Variants in SLC9A7 observed in about 807,000 individuals in gnomAD.
SLC9A7 encodes sodium/hydrogen exchanger 7.
SLC9A7 carries 19 observed loss-of-function variants against 52.6 expected under a neutral mutation model. The ratio of observed to expected loss-of-function variants is 0.36; its 90% CI spans 0.25 to 0.53. SLC9A7 has a LOEUF of 0.53. Among genes scored for constraint, SLC9A7 ranks in the 20% least tolerant of loss-of-function variants. The pLI is 0.91. For missense variants in SLC9A7, 455 were observed against 597.9 expected, an observed-to-expected ratio of 0.76 and a Z score of 2.49; for synonymous variants, 226 against 252.1, an observed-to-expected ratio of 0.90 and a Z score of 0.98.
In SLC9A7 at chrX:46,637,206, C is replaced by T. The variant is rs145473332; in HGVS notation, c.1617-1558G>A. On this transcript the variant is annotated intron_variant, in intron 12 of 16. Transcript: ENST00000616978. The stretch of plus-strand genomic sequence containing the variant: ...TGTCCCCATTTAATCAGTGAGGAAA[C>T]TGAGGGATACAGGTGAAATAAGTTG... Among the ~76,000 whole-genome samples the T allele has an allele frequency of 1.9e-3, 210 of 111,812 alleles. 3 individuals are homozygous for T. The South Asian group carries it at 0.039, about 21-fold the overall frequency.
chrX:46,742,668 C>T (rs1288060176), intron 1 of SLC9A7, among the ~76,000 whole-genome samples: 5 of 112,240 alleles, frequency 4.5e-5, no homozygotes, highest in Non-Finnish European at 9.4e-5. Flanking sequence ...GGTGGTTACA[C>T]ATATCTATCT....
At chrX:46,699,495 C>T (rs1944497807) in intron 1 of SLC9A7, among the ~76,000 whole-genome samples, 1 of 111,734 alleles carries the variant, frequency 8.9e-6, no homozygotes, top group Non-Finnish European at 1.9e-5. Flanking sequence ...AATATGGTAT[C>T]CAAGTGTAGG....
At chrX:46,713,909 T>C (rs1276469838) in intron 1 of SLC9A7, among the ~76,000 whole-genome samples, 2 of 109,701 alleles carry the variant, frequency 1.8e-5, no homozygotes, top group Non-Finnish European at 3.8e-5. Flanking sequence ...AACACCCAAA[T>C]ATAGTATCTT....
At chrX:46,698,913 C>T (rs971893843) in intron 1 of SLC9A7, among the ~76,000 whole-genome samples, 53 of 111,242 alleles carry the variant, frequency 4.8e-4, no homozygotes, top group African/African-American at 1.6e-3. Flanking sequence ...TGTGACTCAC[C>T]AACCTGGGAA....
chrX:46,646,699 C>G, intron 11 of SLC9A7: 1 of 283,469 alleles, frequency 3.5e-6, no homozygotes, highest in South Asian at 4.5e-5. Flanking sequence ...AGTTCTTGTC[C>G]AATTCATAGA....
intron 7 of SLC9A7, 132 bp from the exon 8 acceptor site, chrX:46,653,846 C>T: frequency 2.4e-6 from 1 of 420,661 alleles, no homozygotes; most frequent in Non-Finnish European, 4.1e-6. Flanking sequence ...TTTGGAGGCT[C>T]TAAAGCTGCT....
chrX:46,670,721 T>C (rs1944005752), intron 4 of SLC9A7, among the ~76,000 whole-genome samples: 1 of 112,283 alleles, frequency 8.9e-6, no homozygotes, highest in Admixed American at 9.5e-5. Context: ...TGGAATCATT[T>C]TGAGAAGAAA....
intron 14 of SLC9A7, among the ~76,000 whole-genome samples, chrX:46,622,416 A>G (rs1943061049): frequency 8.9e-6 from 1 of 112,091 alleles, no homozygotes; most frequent in Non-Finnish European, 1.9e-5. Context: ...AGGCAAATAT[A>G]TAATGGAAAA....
intron 14 of SLC9A7, among the ~76,000 whole-genome samples, chrX:46,630,857 T>C (rs773958733): frequency 3.3e-4 from 37 of 112,333 alleles, no homozygotes; most frequent in Non-Finnish European, 6.4e-4. Context: ...ATATAGCCTC[T>C]ACCTTGCTTG....
chrX:46,733,610 G>A (rs1179333183), intron 1 of SLC9A7, among the ~76,000 whole-genome samples: 2 of 111,459 alleles, frequency 1.8e-5, no homozygotes, highest in Non-Finnish European at 3.8e-5. Flanking sequence ...GCATGATGGA[G>A]GGATGTGGTA....
Position 46,643,338 on chromosome X carries a change from T to C in SLC9A7, c.1514A>G (p.Tyr505Cys), listed in dbSNP as rs781579311. 3 of 1,208,991 alleles carry C rather than the reference T, an allele frequency of 2.5e-6. No individual in the cohort carries two copies. The highest frequency in any genetic ancestry group is 3.4e-6 in the Non-Finnish European group (3 of 894,435). Residue 505 changes from tyrosine (Y) to cysteine (C), a missense_variant, in exon 12 of 17, where the codon TAT becomes TGT. Coordinates refer to ENST00000616978, the MANE Select transcript of SLC9A7 (RefSeq NM_001257291.2). ...FALAIRDTAS[Y>C]ARQMMFTTTL... ...GGTCGTGAACATCATCTGGCGAGCA[T>C]AGGATGCCGTGTCACGGATGGCCAA...
chrX:46,677,640 T>C (rs1944140948), intron 3 of SLC9A7, among the ~76,000 whole-genome samples: 1 of 112,163 alleles, frequency 8.9e-6, no homozygotes, highest in Admixed American at 9.4e-5. Flanking sequence ...GTAAACTATA[T>C]TTATGTTGGC....
At chrX:46,718,362 A>T (rs1469673654) in intron 1 of SLC9A7, among the ~76,000 whole-genome samples, 2 of 112,150 alleles carry the variant, frequency 1.8e-5, no homozygotes, top group African/African-American at 3.2e-5. Flanking sequence ...AAACCTAGGC[A>T]ATACCATTCA....
In SLC9A7 at chrX:46,602,290, ACT is replaced by A. The variant is rs1942672473; in HGVS notation, c.*4660_*4661del. ...TGAGTTCTGCAAAGATTAGCATCAA[ACT>A]CTCTCACAGCTGCCCTGTCTGTATT... On this transcript the variant is annotated 3_prime_UTR_variant, in exon 17 of 17. Transcript: ENST00000616978. 1.8e-5 allele frequency: 2 copies of A among 111,572 alleles called. No homozygotes were observed. The highest frequency in any genetic ancestry group is 3.3e-5 in the African/African-American group (1 of 30,706). The allele number at this position is 111,572 out of a possible 1,213,427, so 9.2% of individuals were successfully genotyped here. A position where few individuals can be genotyped will look rare whatever the true frequency, so the allele number is the denominator to read the frequency against.
intron 10 of SLC9A7, among the ~76,000 whole-genome samples, chrX:46,650,783 T>C (rs1483306781): frequency 9.0e-6 from 1 of 111,513 alleles, no homozygotes; most frequent in Non-Finnish European, 1.9e-5. Context: ...TACAAAACAA[T>C]CACCTGCCGA....
At chrX:46,689,590 GC>G (rs1264273118) in intron 1 of SLC9A7, among the ~76,000 whole-genome samples, 2 of 25,971 alleles carry the variant, frequency 7.7e-5, no homozygotes, top group African/African-American at 3.9e-4. Flanking sequence ...AAGTAATTAT[GC>G]CTTTTTTTTT....
chrX:46,655,222 T>G (rs1943657060), intron 7 of SLC9A7, among the ~76,000 whole-genome samples: 1 of 111,124 alleles, frequency 9.0e-6, no homozygotes, highest in Non-Finnish European at 1.9e-5. Context: ...TGACCTCAGG[T>G]GATCTGCCCA....
At chrX:46,699,737 C>G (rs192345313) in intron 1 of SLC9A7, among the ~76,000 whole-genome samples, 135 of 111,541 alleles carry the variant, frequency 1.2e-3, no homozygotes, top group African/African-American at 4.2e-3. Context: ...TTTAGAGTAT[C>G]ACTAGTTAGA....
intron 1 of SLC9A7, among the ~76,000 whole-genome samples, chrX:46,729,065 G>A (rs760571168): frequency 3.6e-5 from 4 of 112,066 alleles, no homozygotes; most frequent in South Asian, 7.4e-4. Context: ...ACAAGTGTAC[G>A]CAGTGTCAAA....
Sources: gnomAD v4.1 joint callset for allele counts (sites outside exome capture counted in the v4.1 genomes callset) on GRCh38, gnomAD v4.1.1 for gene constraint, MANE v1.5 for transcripts, NCBI Gene and HGNC (gene_info 2026-07-23, HGNC 2026-07-21) for gene names.